DNAJC12: variants seen among roughly 807,000 people sequenced by gnomAD.
The protein encoded by DNAJC12 is dnaJ homolog subfamily C member 12.
DNAJC12 carries 25 observed loss-of-function variants against 28.5 expected under a neutral mutation model. That is an observed-to-expected ratio of 0.88 (90% CI 0.64 to 1.22). The LOEUF (loss-of-function observed/expected upper bound fraction) is 1.22, where lower values mean the gene tolerates loss of function less well. Ranked by LOEUF, DNAJC12 falls within the 50% of genes most tolerant of loss-of-function variation. DNAJC12 has a pLI of 0.00. For missense variants in DNAJC12, 222 were observed against 231.7 expected, an observed-to-expected ratio of 0.96 and a Z score of 0.27; for synonymous variants, 77 against 80.6, an observed-to-expected ratio of 0.95 and a Z score of 0.24.
intron 2 of DNAJC12, among the ~76,000 whole-genome samples, chr10:67,812,872 A>C (rs534882693): frequency 4.0e-5 from 6 of 150,800 alleles, no homozygotes; most frequent in Non-Finnish European, 8.9e-5. Flanking sequence ...AACAAAAAAA[A>C]GTAGCCAGGC....
At chr10:67,809,752 T>C (rs1411682048) in intron 3 of DNAJC12, among the ~76,000 whole-genome samples, 5 of 152,112 alleles carry the variant, frequency 3.3e-5, no homozygotes, top group Admixed American at 3.3e-4. Context: ...AAACCAAATA[T>C]TGTATGTTCT....
intron 4 of DNAJC12, among the ~76,000 whole-genome samples, chr10:67,804,337 C>A (rs1052802574): frequency 1.3e-5 from 2 of 152,116 alleles, no homozygotes. Context: ...CTCATGGTAA[C>A]CCTATAAGAA....
At chr10:67,819,547 G>A (rs148921257) in intron 2 of DNAJC12, among the ~76,000 whole-genome samples, 2,327 of 151,382 alleles carry the variant, frequency 0.015, 69 homozygotes, top group African/African-American at 0.053. Flanking sequence ...GCTGAGGCAC[G>A]AGAATTGTTT....
intron 1 of DNAJC12, among the ~76,000 whole-genome samples, chr10:67,837,378 C>T (rs191735381): frequency 1.9e-3 from 296 of 152,222 alleles, no homozygotes; most frequent in Non-Finnish European, 3.5e-3. Context: ...ATCCAGTGAA[C>T]AGCTACAGAG....
intron 2 of DNAJC12, among the ~76,000 whole-genome samples, chr10:67,822,879 C>T (rs1841994114): frequency 6.6e-6 from 1 of 151,840 alleles, no homozygotes; most frequent in South Asian, 2.1e-4. Context: ...CCTGTAGTCC[C>T]AGCTACTCAG....
intron 4 of DNAJC12, among the ~76,000 whole-genome samples, chr10:67,801,473 T>C (rs546072244): frequency 6.6e-6 from 1 of 152,290 alleles, no homozygotes; most frequent in East Asian, 1.9e-4. Flanking sequence ...AATTTCATAA[T>C]TCTCCAACAA....
At chr10:67,812,029 T>G (rs1311346923) in intron 2 of DNAJC12, among the ~76,000 whole-genome samples, 2 of 152,114 alleles carry the variant, frequency 1.3e-5, no homozygotes, top group African/African-American at 4.8e-5. Flanking sequence ...TAGTGCTGGG[T>G]GTGAAACAGG....
Position 67,826,481 on chromosome 10 carries a change from T to A in DNAJC12, c.79-3089A>T, listed in dbSNP as rs74642861. Among the ~76,000 whole-genome samples, 4,291 of 124,246 alleles carry A rather than the reference T, an allele frequency of 0.035. 517 individuals carry two copies. The East Asian group carries it at 0.43, about 12-fold the overall frequency. The allele number at this position is 124,246 out of a possible 152,430, so 81.5% of individuals were successfully genotyped here. A position where few individuals can be genotyped will look rare whatever the true frequency, so the allele number is the denominator to read the frequency against. On this transcript the variant is annotated intron_variant, in intron 1 of 4. Coordinates refer to ENST00000225171, the MANE Select transcript of DNAJC12 (RefSeq NM_021800.3). ...ATATATATATGCATATATATATATA[T>A]AAGATGCTTATATATATGCATATAT...
Position 67,796,932 on chromosome 10 carries a change from T to C in DNAJC12, c.*184A>G. 2.1e-6 allele frequency: 1 copy of C among 476,390 alleles called. No homozygotes were observed. The highest frequency in any genetic ancestry group is 3.9e-5 in the South Asian group (1 of 25,970). The allele number at this position is 476,390 out of a possible 1,614,324, so 29.5% of individuals were successfully genotyped here. A position where few individuals can be genotyped will look rare whatever the true frequency, so the allele number is the denominator to read the frequency against. Reference sequence around the variant, plus strand: ...TTATTCAAATATTGGAAGAAATTCATCTTCTGAATTTTTCTTATTTAAAAA... The same window carrying C: ...TTATTCAAATATTGGAAGAAATTCACCTTCTGAATTTTTCTTATTTAAAAA... On this transcript the variant is annotated 3_prime_UTR_variant, in exon 5 of 5. Coordinates refer to ENST00000225171, the MANE Select transcript of DNAJC12 (RefSeq NM_021800.3).
chr10:67,805,077 G>A (rs1176910363), intron 4 of DNAJC12, among the ~76,000 whole-genome samples: 1 of 152,060 alleles, frequency 6.6e-6, no homozygotes, highest in Non-Finnish European at 1.5e-5. Flanking sequence ...CATTATCATA[G>A]GATAGGGCAA....
intron 3 of DNAJC12, among the ~76,000 whole-genome samples, chr10:67,806,163 C>T (rs775359261): frequency 3.3e-5 from 5 of 152,150 alleles, no homozygotes; most frequent in Admixed American, 6.5e-5. Context: ...GAATCATTAG[C>T]CCTACCATCA....
At chr10:67,810,186 T>A (rs781222583) in intron 3 of DNAJC12, among the ~76,000 whole-genome samples, 8 of 152,100 alleles carry the variant, frequency 5.3e-5, no homozygotes, top group South Asian at 2.1e-4. Flanking sequence ...AACTGCCACA[T>A]ACTTTTAAAC....
At chr10:67,829,760 A>G (rs144608892) in intron 1 of DNAJC12, among the ~76,000 whole-genome samples, 147 of 152,342 alleles carry the variant, frequency 9.6e-4, no homozygotes, top group African/African-American at 3.4e-3. Context: ...GTCCAATAAT[A>G]GGATGTTTGT....
chr10:67,805,316 G>T (rs959216840), intron 4 of DNAJC12, among the ~76,000 whole-genome samples: 1 of 152,140 alleles, frequency 6.6e-6, no homozygotes, highest in Non-Finnish European at 1.5e-5. Flanking sequence ...TATATGTAAA[G>T]AGTGTTCCTG....
At chr10:67,799,567 G>A (rs1003415657) in intron 4 of DNAJC12, among the ~76,000 whole-genome samples, 1 of 152,130 alleles carries the variant, frequency 6.6e-6, no homozygotes, top group African/African-American at 2.4e-5. Context: ...TATATAGTAA[G>A]TAAGTGTCAT....
chr10:67,835,545 C>A (rs1278142486), intron 1 of DNAJC12, among the ~76,000 whole-genome samples: 1 of 151,992 alleles, frequency 6.6e-6, no homozygotes, highest in Non-Finnish European at 1.5e-5. Flanking sequence ...CAAAAATTAG[C>A]TAGGCATGGT....
intron 2 of DNAJC12, among the ~76,000 whole-genome samples, chr10:67,819,660 G>GAAAGAAAGAAAGAAAGAAAGAA (rs1280370710): frequency 2.9e-5 from 1 of 34,906 alleles, no homozygotes; most frequent in African/African-American, 1.3e-4. Context: ...AAGAAAGAAA[G>GAAAGAAAGAAAGAAAGAAAGAA]AGAAAGAAAG....
chr10:67,819,699 G>GAAAGAAAAAGAAAGA (rs1491448750), intron 2 of DNAJC12, among the ~76,000 whole-genome samples: 1 of 24,622 alleles, frequency 4.1e-5, no homozygotes, highest in African/African-American at 1.2e-4. Context: ...AGAAAGAAAG[G>GAAAGAAAAAGAAAGA]AAGGAAGGAA....
At position 67,822,319 on chromosome 10, in the gene DNAJC12, T is replaced by C. The variant is rs538724369; in HGVS notation, c.157+995A>G. On this transcript the variant is annotated intron_variant, in intron 2 of 4. Coordinates refer to ENST00000225171, the MANE Select transcript of DNAJC12 (RefSeq NM_021800.3). ...CTTTGTTTCAAGGAGGAAGGTATGG[T>C]CAACAGGGCCAAATTGTGATGCAAG... Among the ~76,000 whole-genome samples the C allele has an allele frequency of 3.3e-5, 5 of 152,226 alleles. No homozygotes were observed. The East Asian group carries it at 7.7e-4, about 24-fold the overall frequency.
Sources: allele counts gnomAD v4.1 joint callset (sites outside exome capture counted in the v4.1 genomes callset), GRCh38; gene constraint gnomAD v4.1.1; transcripts MANE v1.5; gene names NCBI Gene and HGNC (gene_info 2026-07-23, HGNC 2026-07-21).